Variants in NAA16 observed in about 807,000 individuals in gnomAD.
NAA16 encodes the protein NARG1-like protein.
NAA16 carries 97 observed loss-of-function variants against 110.3 expected under a neutral mutation model. The observed-to-expected ratio is 0.88, with a 90% CI of 0.75 to 1.04. NAA16 has a LOEUF of 1.04. Ranked by LOEUF, NAA16 falls within the 50% of genes least tolerant of loss-of-function variation. The pLI is 0.00. For missense variants in NAA16, 1,017 were observed against 1,005.1 expected, an observed-to-expected ratio of 1.01 and a Z score of -0.16; for synonymous variants, 372 against 330.6, an observed-to-expected ratio of 1.13 and a Z score of -1.36.
intron 10 of NAA16, among the ~76,000 whole-genome samples, chr13:41,357,725 G>GT (rs543004016): frequency 1.1e-4 from 17 of 152,144 alleles, no homozygotes; most frequent in African/African-American, 3.6e-4. Context: ...TAGAACTCAG[G>GT]TAAGTGTATA....
intron 1 of NAA16, among the ~76,000 whole-genome samples, chr13:41,314,636 TAGTA>T (rs1437667582): frequency 6.6e-6 from 1 of 152,138 alleles, no homozygotes; most frequent in African/African-American, 2.4e-5. Context: ...GCTTTGAACT[TAGTA>T]GGCTGTATTT....
At chr13:41,339,540 CT>C (rs1248882540) in intron 9 of NAA16, among the ~76,000 whole-genome samples, 1 of 151,862 alleles carries the variant, frequency 6.6e-6, no homozygotes. Context: ...AATTCCATAA[CT>C]TTTTTTTGTT....
intron 9 of NAA16, among the ~76,000 whole-genome samples, chr13:41,352,081 C>G (rs1294398421): frequency 6.6e-6 from 1 of 152,154 alleles, no homozygotes; most frequent in Non-Finnish European, 1.5e-5. Flanking sequence ...GTGGCTCATG[C>G]GTGTAATCCT....
chr13:41,318,938 T>C (rs561656452), intron 3 of NAA16, 28 bp downstream of exon 3: 2 of 1,380,462 alleles, frequency 1.4e-6, no homozygotes, highest in Non-Finnish European at 2.0e-6. Flanking sequence ...TTAAATAGTT[T>C]ATGTTTTAGC....
At chr13:41,362,466 T>C (rs1436993889) in intron 13 of NAA16, 1 of 336,076 alleles carries the variant, frequency 3.0e-6, no homozygotes, top group Admixed American at 4.5e-5. Context: ...TTGATATTCA[T>C]CACCACCCTA....
At chr13:41,322,277 T>C (rs890229800) in intron 4 of NAA16, among the ~76,000 whole-genome samples, 2 of 152,104 alleles carry the variant, frequency 1.3e-5, no homozygotes, top group Admixed American at 1.3e-4. Context: ...CAGACACTGG[T>C]GGTCAAAGAA....
intron 9 of NAA16, among the ~76,000 whole-genome samples, chr13:41,344,637 T>C (rs992888838): frequency 6.6e-6 from 1 of 152,226 alleles, no homozygotes; most frequent in Non-Finnish European, 1.5e-5. Flanking sequence ...CTTTGTAATG[T>C]AGGGCTGTCC....
intron 6 of NAA16, chr13:41,327,982 A>C (rs2042137701): frequency 6.6e-6 from 1 of 152,068 alleles, no homozygotes; most frequent in Admixed American, 6.5e-5. Context: ...TATGACTTGA[A>C]GACATTTTAA....
intron 11 of NAA16, 73 bp downstream of exon 11, chr13:41,358,546 T>G (rs769956171): frequency 6.4e-7 from 1 of 1,574,136 alleles, no homozygotes; most frequent in Non-Finnish European, 8.6e-7. Flanking sequence ...GTTTTTTCTT[T>G]GTGGAAACAA....
chr13:41,373,678 C>G lies in NAA16; in HGVS notation c.2197C>G (p.Leu733Val). ...TCTTCCAGACATTGTGAGCAAAGTT[C>G]TATCTCAAGAAATGCAGAAAATATT... is the stretch of plus-strand genomic sequence containing the variant. ...SNLPDIVSKV[L>V]SQEMQKIFVK... The change falls in exon 18 of 20, where the codon CTA (leucine) becomes GTA (valine). Residue 733 changes from leucine (L) to valine (V), a missense_variant. Coordinates refer to ENST00000379406, the MANE Select transcript of NAA16 (RefSeq NM_024561.5). 1.2e-6 allele frequency: 2 copies of G among 1,608,924 alleles called. No homozygotes were observed. The highest frequency in any genetic ancestry group is 1.7e-6 in the Non-Finnish European group (2 of 1,177,996).
At chr13:41,342,791 G>A (rs955370317) in intron 9 of NAA16, among the ~76,000 whole-genome samples, 10 of 152,164 alleles carry the variant, frequency 6.6e-5, no homozygotes, top group African/African-American at 2.4e-4. Context: ...CACAACTAAT[G>A]TGTGTTGTGT....
intron 9 of NAA16, among the ~76,000 whole-genome samples, chr13:41,353,387 A>G (rs1362991389): frequency 1.3e-5 from 2 of 152,208 alleles, no homozygotes; most frequent in East Asian, 3.8e-4. Flanking sequence ...TTTTGCTTAA[A>G]AAAAAGTCTT....
chr13:41,374,825 G>T lies in NAA16; in HGVS notation c.2383G>T (p.Asp795Tyr). ...IATRLDETIK[D>Y]KDVKTLIKVS... The stretch of plus-strand genomic sequence containing the variant: ...CACTAGACTAGATGAAACTATAAAA[G>T]ATAAAGATGTAAAGGTAAGTTTTTT... The change falls in exon 19 of 20, where the codon GAT becomes TAT. Residue 795 changes from aspartate (D) to tyrosine (Y), a missense_variant. By Grantham distance (160) the Asp-to-Tyr change is radical. Coordinates refer to ENST00000379406, the MANE Select transcript of NAA16 (RefSeq NM_024561.5). 1 of 1,605,470 alleles carries T rather than the reference G, an allele frequency of 6.2e-7. No homozygotes were observed. Among genetic ancestry groups the T allele is most frequent in the Non-Finnish European group, 8.5e-7 (1 of 1,175,238 alleles).
intron 6 of NAA16, chr13:41,327,728 TG>T (rs1254896969): frequency 7.3e-6 from 1 of 136,284 alleles, no homozygotes; most frequent in Non-Finnish European, 1.5e-5. Flanking sequence ...CATGGAGGAA[TG>T]GGGCATGTTT....
intron 9 of NAA16, among the ~76,000 whole-genome samples, chr13:41,350,701 A>G (rs574735032): frequency 4.2e-4 from 62 of 147,912 alleles, no homozygotes; most frequent in Middle Eastern, 3.6e-3. Context: ...GTTCACTGCA[A>G]TCTCCACCTC....
Position 41,373,707 on chromosome 13 carries a change from CA to C in NAA16, c.2231del (p.Lys744ArgfsTer11). 6.2e-7 allele frequency: 1 copy of C among 1,610,332 alleles called. No homozygotes were observed. Among genetic ancestry groups the C allele is most frequent in the Non-Finnish European group, 8.5e-7 (1 of 1,178,618 alleles). ...LSQEMQKIFVKKDLESFNEDF... is the reference protein window; with the variant it reads ...LSQEMQKIFVXKDLESFNEDF... Reference sequence around the variant, plus strand: ...CTCAAGAAATGCAGAAAATATTTGTCAAAAAGGATTTGGAAAGTTTTAATGA... The same window carrying C: ...CTCAAGAAATGCAGAAAATATTTGTCAAAAGGATTTGGAAAGTTTTAATGA... On this transcript the variant is annotated frameshift_variant, in exon 18 of 20. Coordinates refer to ENST00000379406, the MANE Select transcript of NAA16 (RefSeq NM_024561.5). LOFTEE classifies it high-confidence loss of function.
Position 41,374,755 on chromosome 13 carries a change from G to GT in NAA16, c.2314dup (p.Tyr772LeufsTer17). Reference sequence around the variant, plus strand: ...TTGGTATTTCAGGTGCTAAAATGATGTATTTTCTGGACAAGTCAAGGCAGG... The same window carrying GT: ...TTGGTATTTCAGGTGCTAAAATGATGTTATTTTCTGGACAAGTCAAGGCAGG... On this transcript the variant is annotated frameshift_variant, in exon 19 of 20. Transcript: ENST00000379406. LOFTEE classifies it high-confidence loss of function. The GT allele has an allele frequency of 6.2e-7, 1 of 1,609,702 alleles. No homozygotes were observed. Among genetic ancestry groups the GT allele is most frequent in the East Asian group, 2.2e-5 (1 of 44,830 alleles).
At chr13:41,336,171 A>ATTT (rs138728723) in intron 8 of NAA16, among the ~76,000 whole-genome samples, 3 of 151,340 alleles carry the variant, frequency 2.0e-5, no homozygotes, top group African/African-American at 7.3e-5. Context: ...TTAAAAAAAA[A>ATTT]TTTTTTTTTT....
At chr13:41,361,814 G>A (rs2043117378) in intron 12 of NAA16, among the ~76,000 whole-genome samples, 1 of 152,190 alleles carries the variant, frequency 6.6e-6, no homozygotes, top group African/African-American at 2.4e-5. Context: ...AATATCTTTA[G>A]ACCATGGTCG....
Sources: allele counts gnomAD v4.1 joint callset (sites outside exome capture counted in the v4.1 genomes callset), GRCh38; gene constraint gnomAD v4.1.1; transcripts MANE v1.5; gene names NCBI Gene and HGNC (gene_info 2026-07-23, HGNC 2026-07-21).